RORA: variants seen among roughly 807,000 people sequenced by gnomAD.
RORA encodes the protein RAR related orphan receptor A, also known as nuclear receptor ROR-alpha.
RORA carries 7 observed loss-of-function variants against 69.5 expected under a neutral mutation model. The observed-to-expected ratio is 0.10, with a 90% confidence interval of 0.06 to 0.19. The LOEUF (loss-of-function observed/expected upper bound fraction) is 0.19, where lower values mean the gene tolerates loss of function less well. Among genes scored for constraint, RORA ranks in the 10% least tolerant of loss-of-function variants. The pLI is 1.00. For missense variants in RORA, 457 were observed against 663.0 expected, an observed-to-expected ratio of 0.69 and a Z score of 3.41; for synonymous variants, 261 against 240.8, an observed-to-expected ratio of 1.08 and a Z score of -0.78.
chr15:60,990,667 A>G (rs957460638), intron 1 of RORA, among the ~76,000 whole-genome samples: 15 of 152,176 alleles, frequency 9.9e-5, no homozygotes, highest in African/African-American at 3.1e-4. Context: ...ATACAATTAC[A>G]AAGTCATTTC....
intron 1 of RORA, among the ~76,000 whole-genome samples, chr15:61,060,007 G>A (rs1013186711): frequency 7.6e-6 from 1 of 130,890 alleles, no homozygotes; most frequent in East Asian, 2.9e-4. Context: ...AGAAGAAGAA[G>A]AAGAAGAAGA....
intron 2 of RORA, among the ~76,000 whole-genome samples, chr15:60,620,991 G>T (rs1016087264): frequency 9.2e-5 from 14 of 152,238 alleles, no homozygotes; most frequent in African/African-American, 3.4e-4. Context: ...GCTCTTCAGG[G>T]AGTCTAGTCT....
In RORA at chr15:60,879,585, A is replaced by G. The variant is rs1264922349; in HGVS notation, c.167-200899T>C. Among the ~76,000 whole-genome samples the G allele has an allele frequency of 2.0e-5, 3 of 152,142 alleles. No individual in the cohort carries two copies. The East Asian group carries it at 5.8e-4, about 29-fold the overall frequency. ...ACTGTACATTTATATGATTTGAAGC[A>G]TTTTTTCCTAAAAAGAACAGTTAGT... On this transcript the variant is annotated intron_variant, in intron 1 of 10. Coordinates refer to ENST00000335670, the MANE Select transcript of RORA (RefSeq NM_134261.3).
At chr15:61,046,149 G>A (rs1027744118) in intron 1 of RORA, among the ~76,000 whole-genome samples, 1 of 152,186 alleles carries the variant, frequency 6.6e-6, no homozygotes, top group Non-Finnish European at 1.5e-5. Flanking sequence ...CTACATGTGT[G>A]CATGGGAGAG....
chr15:60,891,155 A>T (rs2073809169), intron 1 of RORA, among the ~76,000 whole-genome samples: 1 of 152,234 alleles, frequency 6.6e-6, no homozygotes, highest in African/African-American at 2.4e-5. Flanking sequence ...TGTGTGAGCC[A>T]ATATGATCCT....
chr15:60,787,220 C>T (rs1249056602), intron 1 of RORA, among the ~76,000 whole-genome samples: 1 of 152,232 alleles, frequency 6.6e-6, no homozygotes, highest in Non-Finnish European at 1.5e-5. Context: ...ACTGCTCAAG[C>T]AGCTGCCACC....
chr15:60,872,196 T>C (rs2073564660), intron 1 of RORA, among the ~76,000 whole-genome samples: 1 of 152,176 alleles, frequency 6.6e-6, no homozygotes, highest in African/African-American at 2.4e-5. Context: ...TGATCTTGCA[T>C]TGGCCATTTA....
intron 2 of RORA, among the ~76,000 whole-genome samples, chr15:60,589,715 T>C (rs1429342309): frequency 1.3e-5 from 2 of 152,194 alleles, no homozygotes. Flanking sequence ...TGACAACTAA[T>C]GCAGAGGAAG....
At chr15:61,190,114 G>A (rs2079783324) in intron 1 of RORA, among the ~76,000 whole-genome samples, 1 of 151,964 alleles carries the variant, frequency 6.6e-6, no homozygotes, top group African/African-American at 2.4e-5. Flanking sequence ...CCAAAAGCCT[G>A]GTGAGGCTAA....
chr15:60,778,329 C>T (rs1053553111), intron 1 of RORA, among the ~76,000 whole-genome samples: 2 of 151,584 alleles, frequency 1.3e-5, no homozygotes, highest in Non-Finnish European at 2.9e-5. Flanking sequence ...AAAGGACCTG[C>T]CTTTCTTTCC....
chr15:60,990,050 G>T (rs576104343), intron 1 of RORA, among the ~76,000 whole-genome samples: 1 of 152,150 alleles, frequency 6.6e-6, no homozygotes, highest in Non-Finnish European at 1.5e-5. Flanking sequence ...CCACTAATTT[G>T]AACTCATGGA....
At chr15:60,800,780 T>C (rs2140357370) in intron 1 of RORA, among the ~76,000 whole-genome samples, 1 of 152,194 alleles carries the variant, frequency 6.6e-6, no homozygotes, top group Middle Eastern at 3.4e-3. Context: ...CGCCCCCACC[T>C]CTTTGGGAAG....
chr15:60,695,367 A>T (rs2070887257), intron 1 of RORA, among the ~76,000 whole-genome samples: 1 of 151,846 alleles, frequency 6.6e-6, no homozygotes, highest in Non-Finnish European at 1.5e-5. Context: ...GACCCTGTTG[A>T]CTTTTTTTTG....
At chr15:61,170,297 C>A (rs1222014718) in intron 1 of RORA, among the ~76,000 whole-genome samples, 1 of 152,188 alleles carries the variant, frequency 6.6e-6, no homozygotes, top group African/African-American at 2.4e-5. Context: ...CTTGCGTTTT[C>A]TACTTTCTGC....
intron 2 of RORA, among the ~76,000 whole-genome samples, chr15:60,608,459 G>A (rs757834917): frequency 5.3e-5 from 8 of 152,176 alleles, no homozygotes; most frequent in African/African-American, 1.9e-4. Flanking sequence ...AGCTCAAAGA[G>A]GCCTCTGGTT....
chr15:60,585,664 G>A (rs2068313740), intron 2 of RORA, among the ~76,000 whole-genome samples: 1 of 152,180 alleles, frequency 6.6e-6, no homozygotes. Context: ...TACTAAAAAT[G>A]TCATAACAAT....
At chr15:60,865,205 G>C (rs897176237) in intron 1 of RORA, among the ~76,000 whole-genome samples, 1 of 152,142 alleles carries the variant, frequency 6.6e-6, no homozygotes, top group South Asian at 2.1e-4. Context: ...GAGAACTTGG[G>C]TTCCAGTCTA....
chr15:60,783,295 A>G (rs2072289637), intron 1 of RORA, among the ~76,000 whole-genome samples: 1 of 152,184 alleles, frequency 6.6e-6, no homozygotes, highest in Admixed American at 6.5e-5. Flanking sequence ...GAGGCCCTTA[A>G]AACAGCTGTT....
intron 1 of RORA, among the ~76,000 whole-genome samples, chr15:61,206,948 C>A (rs944123586): frequency 2.0e-5 from 3 of 152,168 alleles, no homozygotes; most frequent in African/African-American, 7.2e-5. Context: ...AACAGTCTAA[C>A]GCCTAAATTC....
Sources: allele counts gnomAD v4.1 joint callset (sites outside exome capture counted in the v4.1 genomes callset), GRCh38; gene constraint gnomAD v4.1.1; transcripts MANE v1.5; gene names NCBI Gene and HGNC (gene_info 2026-07-23, HGNC 2026-07-21).